Variants in RAB22A observed in about 807,000 individuals in gnomAD.
The protein encoded by RAB22A is RAB22A, member RAS oncogene family.
Under a neutral mutation model 30.2 loss-of-function variants are expected in RAB22A, and 13 were observed. The observed-to-expected ratio is 0.43, with a 90% CI of 0.28 to 0.68. The LOEUF (loss-of-function observed/expected upper bound fraction) is 0.68, where lower values mean the gene tolerates loss of function less well. RAB22A is among the 30% of genes least tolerant of loss of function. The pLI, the probability that RAB22A is intolerant of heterozygous loss-of-function variation, is 0.18. For synonymous variants in RAB22A, 89 were observed against 87.2 expected (o/e 1.02, Z -0.11); for missense variants, 177 against 246.8 (o/e 0.72, Z 1.89).
chr20:58,349,989 C>T (rs1451626638), intron 3 of RAB22A, among the ~76,000 whole-genome samples: 1 of 152,142 alleles, frequency 6.6e-6, no homozygotes, highest in African/African-American at 2.4e-5. Context: ...AGGCCAGGCA[C>T]AGTGGCTCAT....
chr20:58,312,974 G>A (rs2122920056), intron 2 of RAB22A, among the ~76,000 whole-genome samples: 1 of 152,326 alleles, frequency 6.6e-6, no homozygotes, highest in Middle Eastern at 3.4e-3. Flanking sequence ...GCATGGGAAA[G>A]TGAAGTGTTG....
At chr20:58,355,541 C>CG (rs1174550766) in intron 6 of RAB22A, among the ~76,000 whole-genome samples, 2 of 152,070 alleles carry the variant, frequency 1.3e-5, no homozygotes, top group Non-Finnish European at 2.9e-5. Context: ...ATGATGTGCC[C>CG]GGGCATGGTG....
At chr20:58,317,706 C>G (rs1308271776) in intron 2 of RAB22A, among the ~76,000 whole-genome samples, 2 of 151,630 alleles carry the variant, frequency 1.3e-5, no homozygotes, top group Non-Finnish European at 2.9e-5. Context: ...CTACAGGCAC[C>G]CGCCACCACG....
intron 2 of RAB22A, among the ~76,000 whole-genome samples, chr20:58,323,540 G>A (rs1277121501): frequency 6.6e-6 from 1 of 151,388 alleles, no homozygotes; most frequent in East Asian, 1.9e-4. Flanking sequence ...ATCTTAGGGG[G>A]TAGCTTCTAC....
At chr20:58,337,123 A>C (rs1986770188) in intron 2 of RAB22A, among the ~76,000 whole-genome samples, 1 of 152,204 alleles carries the variant, frequency 6.6e-6, no homozygotes, top group African/African-American at 2.4e-5. Flanking sequence ...GCAGCTTTAA[A>C]AAACACACAC....
chr20:58,316,936 C>T (rs1052587926), intron 2 of RAB22A, among the ~76,000 whole-genome samples: 4 of 152,146 alleles, frequency 2.6e-5, no homozygotes, highest in African/African-American at 7.2e-5. Context: ...GTAAGTCACT[C>T]GCTCCTGTCC....
chr20:58,316,754 C>T (rs1375357233), intron 2 of RAB22A, among the ~76,000 whole-genome samples: 1 of 152,172 alleles, frequency 6.6e-6, no homozygotes, highest in Non-Finnish European at 1.5e-5. Flanking sequence ...AGGGACTGTC[C>T]ATGTATGTCA....
rs1987251682 is a variant in RAB22A, at chr20:58,362,913, A to G, written c.*3210A>G. ...CTATGTGGGCTGGTGTCCTTCTTGA[A>G]GTTGTCAATTCCTCTTATTCTTAAA... On this transcript the variant is annotated 3_prime_UTR_variant, in exon 7 of 7. Coordinates refer to ENST00000244040, the MANE Select transcript of RAB22A (RefSeq NM_020673.3). 1 of 152,190 alleles carries G rather than the reference A, an allele frequency of 6.6e-6. No homozygotes were observed. The highest frequency in any genetic ancestry group is 2.4e-5 in the African/African-American group (1 of 41,446). The allele number at this position is 152,190 out of a possible 1,614,324, so 9.4% of individuals were successfully genotyped here. A position where few individuals can be genotyped will look rare whatever the true frequency, so the allele number is the denominator to read the frequency against.
At position 58,313,596 on chromosome 20, in the gene RAB22A, G is replaced by A. The variant is rs900351689; in HGVS notation, c.116+2474G>A. On this transcript the variant is annotated intron_variant, in intron 2 of 6. Transcript: ENST00000244040. The stretch of plus-strand genomic sequence containing the variant: ...ACTGCTGCTCACTCTTCAGCCCTCC[G>A]TCATCTCAGCTCCTCCCTGCCATGC... Among the ~76,000 whole-genome samples, 16 of 152,182 alleles carry A rather than the reference G, an allele frequency of 1.1e-4. No individual in the cohort carries two copies. In the East Asian group the frequency reaches 1.2e-3, roughly 11 times the overall value.
At position 58,359,764 on chromosome 20, in the gene RAB22A, G is replaced by A; in HGVS notation, c.*61G>A. The A allele has an allele frequency of 1.4e-6, 2 of 1,466,048 alleles. No individual in the cohort carries two copies. Among genetic ancestry groups the A allele is most frequent in the Non-Finnish European group, 1.9e-6 (2 of 1,058,350 alleles). The allele number at this position is 1,466,048 out of a possible 1,614,324, so 90.8% of individuals were successfully genotyped here. A position where few individuals can be genotyped will look rare whatever the true frequency, so the allele number is the denominator to read the frequency against. ...GGTGGTCCTGAAAGTTAACAGGAGG[G>A]CTGGGGTCCCTGCCACCAGTTTTCA... On this transcript the variant is annotated 3_prime_UTR_variant, in exon 7 of 7. Coordinates refer to ENST00000244040, the MANE Select transcript of RAB22A (RefSeq NM_020673.3).
intron 2 of RAB22A, among the ~76,000 whole-genome samples, chr20:58,330,239 G>A (rs1040834897): frequency 2.0e-5 from 3 of 152,148 alleles, no homozygotes; most frequent in Admixed American, 2.0e-4. Context: ...TGTTCAGTGT[G>A]TCTAATATTT....
chr20:58,320,238 G>T (rs548289979), intron 2 of RAB22A, among the ~76,000 whole-genome samples: 2 of 152,258 alleles, frequency 1.3e-5, no homozygotes, highest in African/African-American at 4.8e-5. Context: ...TTCTTTGTCT[G>T]AAAATATGTA....
At chr20:58,320,552 A>T (rs1986433895) in intron 2 of RAB22A, among the ~76,000 whole-genome samples, 1 of 152,114 alleles carries the variant, frequency 6.6e-6, no homozygotes, top group Non-Finnish European at 1.5e-5. Flanking sequence ...AGTTTTTGTT[A>T]TCTGAGCATT....
chr20:58,342,023 AAATAAT>A (rs1000394666), intron 2 of RAB22A, among the ~76,000 whole-genome samples: 2 of 152,158 alleles, frequency 1.3e-5, no homozygotes, highest in East Asian at 1.9e-4. Context: ...AGCTGCCTTT[AAATAAT>A]AATAATAATA....
At position 58,309,796 on chromosome 20, in the gene RAB22A, C is replaced by T. The variant is rs1271260692; in HGVS notation, c.-181C>T. On this transcript the variant is annotated 5_prime_UTR_variant, in exon 1 of 7. Coordinates refer to ENST00000244040, the MANE Select transcript of RAB22A (RefSeq NM_020673.3). The stretch of plus-strand genomic sequence containing the variant: ...GCGGCGTCCCGGCTGCTAAGGCGGG[C>T]CCCACGCGGCTGGCAGCGGACAGGC... 3 of 451,968 alleles carry T rather than the reference C, an allele frequency of 6.6e-6. No homozygotes were observed. Among genetic ancestry groups the T allele is most frequent in the East Asian group, 8.5e-5 (2 of 23,486 alleles). 28.0% of individuals were successfully genotyped at this position (451,968 alleles called of 1,614,324 possible). A position where few individuals can be genotyped will look rare whatever the true frequency, so the allele number is the denominator to read the frequency against.
chr20:58,328,993 G>A lies in RAB22A; in HGVS notation c.117-14725G>A, dbSNP rs1183711786. 2.0e-5 allele frequency among the ~76,000 whole-genome samples: 3 copies of A among 152,068 alleles called. No homozygotes were observed. In the Middle Eastern group the frequency reaches 0.01, roughly 517 times the overall value. On this transcript the variant is annotated intron_variant, in intron 2 of 6. Coordinates refer to ENST00000244040, the MANE Select transcript of RAB22A (RefSeq NM_020673.3). ...TTTCTTTGAGCATTTCATGTATTCA[G>A]GGCTGGTGACAAGATCGCCTCGGTA...
intron 2 of RAB22A, among the ~76,000 whole-genome samples, chr20:58,325,675 T>G (rs1174372429): frequency 1.3e-5 from 2 of 152,260 alleles, no homozygotes; most frequent in African/African-American, 2.4e-5. Context: ...TAATGATTAT[T>G]GACATAATTG....
Position 58,364,447 on chromosome 20 carries a change from A to G in RAB22A, c.*4744A>G, listed in dbSNP as rs1186015877. 6.6e-6 allele frequency: 1 copy of G among 152,240 alleles called. No individual in the cohort carries two copies. Among genetic ancestry groups the G allele is most frequent in the Non-Finnish European group, 1.5e-5 (1 of 68,046 alleles). 9.4% of individuals were successfully genotyped at this position (152,240 alleles called of 1,614,324 possible). A position where few individuals can be genotyped will look rare whatever the true frequency, so the allele number is the denominator to read the frequency against. ...ACAAAAGGATTCATAAGCTTAAAAA[A>G]ACAAAAATCCCAAACCTTCCATCTA... On this transcript the variant is annotated 3_prime_UTR_variant, in exon 7 of 7. Coordinates refer to ENST00000244040, the MANE Select transcript of RAB22A (RefSeq NM_020673.3).
chr20:58,357,090 G>A (rs375688364), intron 6 of RAB22A, among the ~76,000 whole-genome samples: 9 of 152,092 alleles, frequency 5.9e-5, no homozygotes, highest in Non-Finnish European at 7.4e-5. Flanking sequence ...CAGCTTTACC[G>A]CCAACCAGTT....
Sources: allele counts gnomAD v4.1 joint callset (sites outside exome capture counted in the v4.1 genomes callset), GRCh38; gene constraint gnomAD v4.1.1; transcripts MANE v1.5; gene names NCBI Gene and HGNC (gene_info 2026-07-23, HGNC 2026-07-21).